Variants in CACNG2 observed in about 807,000 individuals in gnomAD.
CACNG2 encodes the protein calcium voltage-gated channel auxiliary subunit gamma 2.
A neutral mutation model predicts 25.9 loss-of-function variants in CACNG2; 3 were observed. The ratio of observed to expected loss-of-function variants is 0.12; its 90% CI spans 0.05 to 0.30. The LOEUF is 0.30. CACNG2 is among the 10% of genes least tolerant of loss of function. The pLI is 1.00. For missense variants in CACNG2, 341 were observed against 432.5 expected (o/e 0.79, Z 1.88); for synonymous variants, 167 against 173.3 (o/e 0.96, Z 0.29).
intron 1 of CACNG2, among the ~76,000 whole-genome samples, chr22:36,589,988 C>T (rs968761381): frequency 1.3e-5 from 2 of 152,252 alleles, no homozygotes; most frequent in African/African-American, 2.4e-5. Flanking sequence ...CGGTGCCAGG[C>T]ATCTTTATAA....
intron 1 of CACNG2, among the ~76,000 whole-genome samples, chr22:36,589,000 T>A (rs1935547061): frequency 7.8e-6 from 1 of 128,646 alleles, no homozygotes; most frequent in African/African-American, 3.1e-5. Flanking sequence ...TTTTTTTTTT[T>A]TTCCCCCTGA....
chr22:36,686,554 A>T (rs1450056649), intron 1 of CACNG2, among the ~76,000 whole-genome samples: 2 of 152,158 alleles, frequency 1.3e-5, no homozygotes, highest in Non-Finnish European at 2.9e-5. Context: ...GATTCTATCC[A>T]CCCTCAAAGA....
intron 2 of CACNG2, among the ~76,000 whole-genome samples, chr22:36,572,766 A>G (rs191712704): frequency 6.6e-6 from 1 of 151,920 alleles, no homozygotes; most frequent in South Asian, 2.1e-4. Flanking sequence ...TTGGCCTGCT[A>G]GTCATACTTG....
chr22:36,640,712 T>C (rs1048816671), intron 1 of CACNG2, among the ~76,000 whole-genome samples: 2 of 152,208 alleles, frequency 1.3e-5, no homozygotes, highest in African/African-American at 4.8e-5. Flanking sequence ...GTTTCCGCGC[T>C]TGTTCCTGTG....
At chr22:36,585,370 C>T (rs1935484471) in intron 2 of CACNG2, 2 of 152,146 alleles carry the variant, frequency 1.3e-5, no homozygotes, top group Admixed American at 1.3e-4. Context: ...AAAATCATCC[C>T]CGTCTTCCAG....
Position 36,703,607 on chromosome 22 carries a change from G to A in CACNG2, c.-1031C>T, listed in dbSNP as rs564830215. The A allele has an allele frequency of 6.6e-6, 1 of 152,506 alleles. No individual in the cohort carries two copies. Among genetic ancestry groups the A allele is most frequent in the Admixed American group, 6.5e-5 (1 of 15,278 alleles). 9.4% of individuals were successfully genotyped at this position (152,506 alleles called of 1,614,324 possible). On this transcript the variant is annotated 5_prime_UTR_variant, in exon 1 of 4. Coordinates refer to ENST00000300105, the MANE Select transcript of CACNG2 (RefSeq NM_006078.5). ...GCTCCCAGGGCCGCCCGCCAGGAGG[G>A]GGGCGCTGGCCAGAGTCCTCCCTCC...
At chr22:36,588,440 A>G (rs1235883676) in intron 1 of CACNG2, among the ~76,000 whole-genome samples, 2 of 152,208 alleles carry the variant, frequency 1.3e-5, no homozygotes, top group Non-Finnish European at 2.9e-5. Context: ...CTAAAAACCG[A>G]TAAGTAGCAC....
intron 1 of CACNG2, among the ~76,000 whole-genome samples, chr22:36,694,694 C>A (rs1256395207): frequency 6.6e-6 from 1 of 152,106 alleles, no homozygotes; most frequent in African/African-American, 2.4e-5. Flanking sequence ...TTTAGGGTCC[C>A]CTGCTAGGAC....
intron 2 of CACNG2, among the ~76,000 whole-genome samples, chr22:36,581,541 C>T (rs1300916810): frequency 6.6e-6 from 1 of 152,234 alleles, no homozygotes; most frequent in East Asian, 1.9e-4. Flanking sequence ...CTGGCATTCT[C>T]TGTCCTCCCT....
intron 1 of CACNG2, among the ~76,000 whole-genome samples, chr22:36,663,045 AAAAG>A (rs1402836121): frequency 2.1e-5 from 3 of 142,802 alleles, no homozygotes; most frequent in Non-Finnish European, 4.4e-5. Flanking sequence ...AGTTAAAAAA[AAAAG>A]AGAGAGAGAG....
intron 1 of CACNG2, among the ~76,000 whole-genome samples, chr22:36,621,194 T>C (rs1045793183): frequency 8.5e-5 from 13 of 152,304 alleles, no homozygotes; most frequent in Non-Finnish European, 1.3e-4. Flanking sequence ...CTAATGTCCA[T>C]AGGTCGCTTT....
rs9622434 is a variant in CACNG2 at position 36,633,696 on chromosome 22, G to A, written c.212-46148C>T. ...CATTTTAAGAGCTTAATTTACTCAC[G>A]ATAAAAGGCATAGCATCTGAATATG... is the stretch of plus-strand genomic sequence containing the variant. On this transcript the variant is annotated intron_variant, in intron 1 of 3. Coordinates refer to ENST00000300105, the MANE Select transcript of CACNG2 (RefSeq NM_006078.5). 6.6e-5 allele frequency among the ~76,000 whole-genome samples: 10 copies of A among 152,040 alleles called. No individual in the cohort carries two copies. In the East Asian group the frequency reaches 9.6e-4, roughly 15 times the overall value.
chr22:36,610,179 C>A (rs1013471939), intron 1 of CACNG2, among the ~76,000 whole-genome samples: 1 of 151,768 alleles, frequency 6.6e-6, no homozygotes, highest in Non-Finnish European at 1.5e-5. Flanking sequence ...GGAATCAGTC[C>A]CCCAGAGAGT....
chr22:36,654,285 C>T (rs1411781388), intron 1 of CACNG2, among the ~76,000 whole-genome samples: 1 of 152,076 alleles, frequency 6.6e-6, no homozygotes, highest in Non-Finnish European at 1.5e-5. Flanking sequence ...GCGTGTGTTT[C>T]AAGACAAGGT....
intron 1 of CACNG2, among the ~76,000 whole-genome samples, chr22:36,677,688 T>C (rs1378222297): frequency 1.3e-5 from 2 of 152,202 alleles, no homozygotes; most frequent in Non-Finnish European, 2.9e-5. Context: ...CACGTGGGCA[T>C]AAATGAAGCT....
intron 1 of CACNG2, among the ~76,000 whole-genome samples, chr22:36,651,815 G>A (rs1279647197): frequency 1.3e-5 from 2 of 152,184 alleles, no homozygotes; most frequent in South Asian, 2.1e-4. Flanking sequence ...GGAGTCATCC[G>A]TGACACTTAC....
chr22:36,653,033 A>C (rs1936643208), intron 1 of CACNG2, among the ~76,000 whole-genome samples: 1 of 152,116 alleles, frequency 6.6e-6, no homozygotes, highest in African/African-American at 2.4e-5. Flanking sequence ...TGTTATTTTA[A>C]AATTCGAGCC....
intron 1 of CACNG2, among the ~76,000 whole-genome samples, chr22:36,624,966 T>C (rs1936162388): frequency 7.6e-6 from 1 of 132,102 alleles, no homozygotes; most frequent in Admixed American, 9.3e-5. Flanking sequence ...AGTTGGAGGT[T>C]GCCGTGAGCC....
At position 36,616,529 on chromosome 22, in the gene CACNG2, G is replaced by C. The variant is rs192314417; in HGVS notation, c.212-28981C>G. On this transcript the variant is annotated intron_variant, in intron 1 of 3. Transcript: ENST00000300105. ...CGAGAGTGTAAGTTCCTGGAAACTA[G>C]AGAGTATTGCTGATAGAGGTCTGGA... Among the ~76,000 whole-genome samples, 327 of 152,274 alleles carry C rather than the reference G, an allele frequency of 2.1e-3. 2 individuals carry two copies. The highest frequency in any genetic ancestry group is 7.4e-3 in the African/African-American group (306 of 41,528).
Sources: gnomAD v4.1 joint callset for allele counts (sites outside exome capture counted in the v4.1 genomes callset) on GRCh38, gnomAD v4.1.1 for gene constraint, MANE v1.5 for transcripts, NCBI Gene and HGNC (gene_info 2026-07-23, HGNC 2026-07-21) for gene names.